The following PARPBP variants were observed in gnomAD, a reference collection of about 807,000 sequenced individuals.
PARPBP encodes PCNA-interacting partner.
In PARPBP, 52 loss-of-function variants were observed where a neutral mutation model predicts 50.0. The ratio of observed to expected loss-of-function variants is 1.04; its 90% CI spans 0.83 to 1.31. The LOEUF (loss-of-function observed/expected upper bound fraction) is 1.31, where lower values mean the gene tolerates loss of function less well. Ranked by LOEUF, PARPBP falls within the 50% of genes most tolerant of loss-of-function variation. The pLI is 0.00. For missense variants in PARPBP, 697 were observed against 672.0 expected (o/e 1.04, Z -0.41); for synonymous variants, 244 against 232.1 (o/e 1.05, Z -0.47).
rs1407973156 is a variant in PARPBP at position 102,148,299 on chromosome 12, T to C, written c.223T>C (p.Leu75=). 5 of 1,608,618 alleles carry C rather than the reference T, an allele frequency of 3.1e-6. No individual in the cohort carries two copies. The highest frequency in any genetic ancestry group is 1.7e-5 in the Admixed American group (1 of 59,886). The change falls in exon 3 of 11, where the codon TTG becomes CTG. Residue 75 remains leucine, a synonymous_variant. Coordinates refer to ENST00000327680, the MANE Select transcript of PARPBP (RefSeq NM_017915.5). ...ATGGAAATACTTGCTCCATGAGAAA[T>C]TGAACTTACCAGTTGAAAACATGGA... ...LTWKYLLHEK[L]NLPVENMDVT...
intron 2 of PARPBP, among the ~76,000 whole-genome samples, chr12:102,135,595 A>T (rs980680073): frequency 6.6e-6 from 1 of 150,984 alleles, no homozygotes; most frequent in Non-Finnish European, 1.5e-5. Context: ...GTTTAATTGG[A>T]TGGAGTAGTG....
chr12:102,192,048 A>G (rs529795523), intron 9 of PARPBP, among the ~76,000 whole-genome samples: 15 of 152,256 alleles, frequency 9.9e-5, no homozygotes, highest in African/African-American at 3.6e-4. Flanking sequence ...AGGAAAAGCA[A>G]TCTCTTTTAA....
intron 4 of PARPBP, among the ~76,000 whole-genome samples, chr12:102,158,721 A>T (rs1293076284): frequency 6.6e-6 from 1 of 152,002 alleles, no homozygotes; most frequent in African/African-American, 2.4e-5. Flanking sequence ...TGTGTATCAA[A>T]AGGGTAGATT....
chr12:102,143,242 C>G (rs1327390513), intron 2 of PARPBP, among the ~76,000 whole-genome samples: 1 of 152,202 alleles, frequency 6.6e-6, no homozygotes, highest in Non-Finnish European at 1.5e-5. Flanking sequence ...GACTAATGTG[C>G]TAGCAGTGAG....
intron 3 of PARPBP, chr12:102,148,791 T>C (rs1226932628): frequency 4.7e-6 from 1 of 212,500 alleles, no homozygotes; most frequent in East Asian, 1.1e-4. Flanking sequence ...ACTTTCTTGA[T>C]TTAATGTGCA....
intron 4 of PARPBP, among the ~76,000 whole-genome samples, chr12:102,162,990 C>T (rs1887759460): frequency 6.6e-6 from 1 of 152,016 alleles, no homozygotes; most frequent in Non-Finnish European, 1.5e-5. Flanking sequence ...TTATGTTGTA[C>T]ATTTATAGAC....
intron 8 of PARPBP, among the ~76,000 whole-genome samples, chr12:102,181,380 C>T (rs1026244499): frequency 2.0e-5 from 3 of 152,106 alleles, no homozygotes; most frequent in Non-Finnish European, 2.9e-5. Context: ...ATAAAGGCAT[C>T]GTTAGGCAAT....
At chr12:102,153,118 A>G (rs538827155) in intron 3 of PARPBP, among the ~76,000 whole-genome samples, 1 of 152,244 alleles carries the variant, frequency 6.6e-6, no homozygotes, top group East Asian at 1.9e-4. Context: ...GGTTCTTTGC[A>G]TGTCTGACAC....
intron 2 of PARPBP, among the ~76,000 whole-genome samples, chr12:102,144,482 GT>G (rs1048774096): frequency 2.0e-5 from 3 of 152,124 alleles, no homozygotes; most frequent in African/African-American, 7.2e-5. Flanking sequence ...TGCTGTCATG[GT>G]GGGCACCTGA....
rs375180450 is a variant in PARPBP at position 102,168,046 on chromosome 12, T to G, written c.821+2163T>G. ...TTTTAGCTTTTGTATTCTGGGTAGTTAGTTATGACTCAACCATCTGTTTTC... is the reference window on the plus strand; with the variant it reads ...TTTTAGCTTTTGTATTCTGGGTAGTGAGTTATGACTCAACCATCTGTTTTC... On this transcript the variant is annotated intron_variant, in intron 6 of 10. Coordinates refer to ENST00000327680, the MANE Select transcript of PARPBP (RefSeq NM_017915.5). Among the ~76,000 whole-genome samples the G allele has an allele frequency of 1.1e-4, 17 of 152,326 alleles. 1 individual carries two copies. Among genetic ancestry groups the G allele is most frequent in the Admixed American group, 2.0e-4 (3 of 15,298 alleles).
At chr12:102,195,890 C>A in intron 10 of PARPBP, 61 bp from the exon 11 acceptor site, 2 of 1,081,468 alleles carry the variant, frequency 1.8e-6, no homozygotes, top group South Asian at 3.4e-5. Flanking sequence ...TTGTAAAGTT[C>A]TCGTAAATAT....
At position 102,196,280 on chromosome 12, in the gene PARPBP, T is replaced by A. The variant is rs749898328; in HGVS notation, c.1729T>A (p.Phe577Ile). Reference sequence around the variant, plus strand: ...TGGCCAGGCAAAGTTAACTCAGTTTTTTAGACTATAAATTTGTGTCTTATA... The same window carrying A: ...TGGCCAGGCAAAGTTAACTCAGTTTATTAGACTATAAATTTGTGTCTTATA... ...ISGQAKLTQF[F>I]RL Residue 577 changes from phenylalanine (F) to isoleucine (I), a missense_variant, in exon 11 of 11, where the codon TTT (phenylalanine) becomes ATT (isoleucine). Coordinates refer to ENST00000327680, the MANE Select transcript of PARPBP (RefSeq NM_017915.5). 6.6e-5 allele frequency: 104 copies of A among 1,580,486 alleles called. No individual in the cohort carries two copies. In the South Asian group the frequency reaches 8.1e-4, roughly 12 times the overall value.
rs372070070 is a variant in PARPBP, at chr12:102,137,829, T to C, written c.154-10401T>C. Among the ~76,000 whole-genome samples, 6 of 152,346 alleles carry C rather than the reference T, an allele frequency of 3.9e-5. No homozygotes were observed. In the East Asian group the frequency reaches 9.6e-4, roughly 24 times the overall value. On this transcript the variant is annotated intron_variant, in intron 2 of 10. Coordinates refer to ENST00000327680, the MANE Select transcript of PARPBP (RefSeq NM_017915.5). Reference sequence around the variant, plus strand: ...TTCATCCATGTCCCTACAAAGGACATGAACTCATCCTTTTTTATGGCTGCA... The same window carrying C: ...TTCATCCATGTCCCTACAAAGGACACGAACTCATCCTTTTTTATGGCTGCA...
rs1257304516 is a variant in PARPBP, at chr12:102,178,675, A to C, written c.1089A>C (p.Glu363Asp). The C allele has an allele frequency of 6.2e-7, 1 of 1,613,704 alleles. No homozygotes were observed. Among genetic ancestry groups the C allele is most frequent in the African/African-American group, 1.3e-5 (1 of 75,052 alleles). The change falls in exon 8 of 11, where the codon GAA becomes GAC. Residue 363 changes from glutamate (E) to aspartate (D), a missense_variant. Physicochemically the swap from Glu to Asp is conservative, Grantham distance 45. Coordinates refer to ENST00000327680, the MANE Select transcript of PARPBP (RefSeq NM_017915.5). ...CCTTATTAGTTCTTTTGGACGAAGAAGCAGCTAATGCTCCTACCAAAAACA... is the reference window on the plus strand; with the variant it reads ...CCTTATTAGTTCTTTTGGACGAAGACGCAGCTAATGCTCCTACCAAAAACA... ...VKALLVLLDE[E>D]AANAPTKNKA...
chr12:102,173,050 C>G (rs926299013), intron 6 of PARPBP, among the ~76,000 whole-genome samples: 4 of 152,072 alleles, frequency 2.6e-5, no homozygotes, highest in African/African-American at 9.7e-5. Context: ...TAGCATATTT[C>G]AAAAATTCTT....
chr12:102,120,649 A>G (rs1442439950), intron 1 of PARPBP, among the ~76,000 whole-genome samples: 1 of 152,198 alleles, frequency 6.6e-6, no homozygotes, highest in Non-Finnish European at 1.5e-5. Context: ...CAGCCTCCCA[A>G]GGAACCTTTG....
At position 102,196,028 on chromosome 12, in the gene PARPBP, G is replaced by C; in HGVS notation, c.1477G>C (p.Glu493Gln). The C allele has an allele frequency of 6.2e-7, 1 of 1,611,184 alleles. No individual in the cohort carries two copies. Among genetic ancestry groups the C allele is most frequent in the Non-Finnish European group, 8.5e-7 (1 of 1,178,400 alleles). The change falls in exon 11 of 11, where the codon GAA (glutamate) becomes CAA (glutamine). Residue 493 changes from glutamate to glutamine, a missense_variant. By Grantham distance (29) the Glu-to-Gln change is conservative. Transcript: ENST00000327680. ...GNVHLDRSKN[E>Q]KVSRKSTSQT... ...TGTTCATCTGGACAGAAGTAAAAAT[G>C]AAAAAGTATCAAGAAAATCAACCAG...
intron 9 of PARPBP, among the ~76,000 whole-genome samples, chr12:102,189,471 G>A (rs1367033946): frequency 2.6e-5 from 4 of 152,194 alleles, no homozygotes; most frequent in African/African-American, 7.2e-5. Flanking sequence ...GAAGAACGGG[G>A]TTTTAAATTT....
At chr12:102,187,875 T>C (rs2137200251) in intron 9 of PARPBP, among the ~76,000 whole-genome samples, 1 of 152,266 alleles carries the variant, frequency 6.6e-6, no homozygotes. Flanking sequence ...GGAAAATATA[T>C]TTTAAAGACA....
Sources: allele counts gnomAD v4.1 joint callset (sites outside exome capture counted in the v4.1 genomes callset), GRCh38; gene constraint gnomAD v4.1.1; transcripts MANE v1.5; gene names NCBI Gene and HGNC (gene_info 2026-07-23, HGNC 2026-07-21).